Variants in EBF2 observed in about 807,000 individuals in gnomAD.
EBF2 encodes the protein EBF transcription factor 2.
Under a neutral mutation model 72.8 loss-of-function variants are expected in EBF2, and 21 were observed. The observed-to-expected ratio is 0.29, with a 90% CI of 0.20 to 0.42. The LOEUF is 0.42. Ranked by LOEUF, EBF2 falls within the 10% of genes least tolerant of loss-of-function variation. The probability of loss-of-function intolerance (pLI) is 1.00; values close to 1 mark genes in which losing one functional copy is unlikely to be tolerated. For missense variants in EBF2, 637 were observed against 731.2 expected (o/e 0.87, Z 1.49); for synonymous variants, 299 against 274.2 (o/e 1.09, Z -0.89).
At chr8:26,000,195 T>C (rs1346367167) in intron 6 of EBF2, among the ~76,000 whole-genome samples, 9 of 152,202 alleles carry the variant, frequency 5.9e-5, no homozygotes, top group African/African-American at 9.6e-5. Flanking sequence ...CCCAGCCTTC[T>C]GTTTGGCTTT....
intron 10 of EBF2, among the ~76,000 whole-genome samples, chr8:25,881,790 C>T (rs1279223180): frequency 1.3e-5 from 2 of 152,154 alleles, no homozygotes; most frequent in Non-Finnish European, 2.9e-5. Context: ...CACACATCAG[C>T]GGAGGAACAC....
intron 6 of EBF2, among the ~76,000 whole-genome samples, chr8:25,914,402 C>G (rs1803177179): frequency 6.6e-6 from 1 of 152,212 alleles, no homozygotes; most frequent in Admixed American, 6.5e-5. Flanking sequence ...CAGTGGGACC[C>G]AGCCTTGGCC....
At chr8:25,874,434 A>G (rs1200401885) in intron 10 of EBF2, among the ~76,000 whole-genome samples, 1 of 152,032 alleles carries the variant, frequency 6.6e-6, no homozygotes, top group African/African-American at 2.4e-5. Flanking sequence ...TTTTTTTGCC[A>G]AAGTAGAAGA....
intron 6 of EBF2, among the ~76,000 whole-genome samples, chr8:25,965,628 G>A (rs1804102813): frequency 1.3e-5 from 2 of 152,172 alleles, no homozygotes; most frequent in African/African-American, 2.4e-5. Flanking sequence ...GACTGACTGT[G>A]GGTAGTCTGA....
rs1425326262 is a variant in EBF2, at chr8:25,874,770, C to G, written c.1010-11973G>C. On this transcript the variant is annotated intron_variant, in intron 10 of 15. Coordinates refer to ENST00000520164, the MANE Select transcript of EBF2 (RefSeq NM_022659.4). ...GTGCAATCATAGCTCACTGCAGCCT[C>G]GATCTCCTGGGCTCAAGCGTTTCTC... is the stretch of plus-strand genomic sequence containing the variant. Among the ~76,000 whole-genome samples the G allele has an allele frequency of 2.6e-5, 4 of 151,928 alleles. No individual in the cohort carries two copies. The South Asian group carries it at 8.3e-4, about 32-fold the overall frequency.
rs1805678240 is a variant in EBF2, at chr8:26,044,942, C to A, written c.-83G>T. 6.8e-7 allele frequency: 1 copy of A among 1,480,834 alleles called. No homozygotes were observed. 91.7% of individuals were successfully genotyped at this position (1,480,834 alleles called of 1,614,324 possible). Reference sequence around the variant, plus strand: ...ACTGTTCCCAACGTTGCCAGCAAATCGTCTCCTCCAAAGCAATCCAAGAAA... The same window carrying A: ...ACTGTTCCCAACGTTGCCAGCAAATAGTCTCCTCCAAAGCAATCCAAGAAA... On this transcript the variant is annotated 5_prime_UTR_variant, in exon 1 of 16. Coordinates refer to ENST00000520164, the MANE Select transcript of EBF2 (RefSeq NM_022659.4). The surrounding 1 kb of genome is among the most constrained non-coding windows in gnomAD (Gnocchi z 4.1).
chr8:26,018,380 C>T (rs572737666), intron 6 of EBF2, among the ~76,000 whole-genome samples: 13 of 150,204 alleles, frequency 8.7e-5, no homozygotes, highest in Non-Finnish European at 1.6e-4. Context: ...CGGCCGGACG[C>T]GGTGGCTCAT....
In EBF2 at chr8:25,842,186, T is replaced by C. The variant is rs923643229; in HGVS notation, c.*2423A>G. The C allele has an allele frequency of 6.6e-6, 1 of 152,220 alleles. No homozygotes were observed. The highest frequency in any genetic ancestry group is 6.5e-5 in the Admixed American group (1 of 15,276). The allele number at this position is 152,220 out of a possible 1,614,324, so 9.4% of individuals were successfully genotyped here. ...GCACAAAAATAACTTGGGACTGGAATGATTGAATAGCAATGACTAACGAGG... is the reference window on the plus strand; with the variant it reads ...GCACAAAAATAACTTGGGACTGGAACGATTGAATAGCAATGACTAACGAGG... On this transcript the variant is annotated 3_prime_UTR_variant, in exon 16 of 16. Transcript: ENST00000520164.
intron 6 of EBF2, among the ~76,000 whole-genome samples, chr8:26,024,440 T>G (rs1487164377): frequency 6.6e-6 from 1 of 152,178 alleles, no homozygotes; most frequent in Non-Finnish European, 1.5e-5. Context: ...AAGACCCCAC[T>G]GCAAGGTCCA....
In EBF2 at chr8:25,858,423, G is replaced by C. The variant is rs200719232; in HGVS notation, c.1424C>G (p.Ser475Cys). 1 of 1,614,140 alleles carries C rather than the reference G, an allele frequency of 6.2e-7. No homozygotes were observed. Among genetic ancestry groups the C allele is most frequent in the African/African-American group, 1.3e-5 (1 of 75,036 alleles). The part of the protein sequence containing the change: ...STPQQSNYST[S>C]SNSMNGYSNV... ...GCTGTAGCCATTCATACTGTTGCTG[G>C]AGGTACTGTAATTAGACTGTTGAGG... is the stretch of plus-strand genomic sequence containing the variant. Residue 475 changes from serine to cysteine, a missense_variant, in exon 14 of 16, where the codon TCC (serine) becomes TGC (cysteine). By Grantham distance (112) the Ser-to-Cys change is moderately radical. Coordinates refer to ENST00000520164, the MANE Select transcript of EBF2 (RefSeq NM_022659.4).
At chr8:25,884,012 T>C (rs965215299) in intron 10 of EBF2, among the ~76,000 whole-genome samples, 4 of 152,154 alleles carry the variant, frequency 2.6e-5, no homozygotes, top group Non-Finnish European at 4.4e-5. Context: ...CTCCACCATA[T>C]CATGGTGATC....
At chr8:25,984,122 T>C (rs1206881860) in intron 6 of EBF2, among the ~76,000 whole-genome samples, 1 of 152,166 alleles carries the variant, frequency 6.6e-6, no homozygotes, top group Admixed American at 6.5e-5. Context: ...TACTTGTGTG[T>C]AAACTAGAAT....
intron 6 of EBF2, among the ~76,000 whole-genome samples, chr8:25,979,825 G>A (rs542204437): frequency 1.2e-4 from 18 of 152,104 alleles, no homozygotes; most frequent in Admixed American, 9.2e-4. Context: ...CAGATAAAGG[G>A]CATGAAAGGC....
intron 6 of EBF2, among the ~76,000 whole-genome samples, chr8:25,923,399 AC>A (rs1232282425): frequency 1.3e-5 from 2 of 152,122 alleles, no homozygotes; most frequent in African/African-American, 2.4e-5. Context: ...TTAAGACAGA[AC>A]CTGAAAAATC....
intron 6 of EBF2, among the ~76,000 whole-genome samples, chr8:26,017,855 G>A (rs962292503): frequency 2.0e-5 from 3 of 152,120 alleles, no homozygotes; most frequent in Non-Finnish European, 4.4e-5. Context: ...GCCACCTCTC[G>A]ACAAAAACGC....
intron 6 of EBF2, among the ~76,000 whole-genome samples, chr8:25,948,476 C>T (rs1044946804): frequency 6.6e-6 from 1 of 152,184 alleles, no homozygotes; most frequent in African/African-American, 2.4e-5. Flanking sequence ...CAGAGTCCCA[C>T]TCTAATTATA....
At chr8:25,845,406 G>A (rs1401556898) in intron 15 of EBF2, among the ~76,000 whole-genome samples, 1 of 152,068 alleles carries the variant, frequency 6.6e-6, no homozygotes, top group African/African-American at 2.4e-5. Context: ...GTGAATTTTT[G>A]TATTGAATGG....
In EBF2 at chr8:26,010,566, G is replaced by T. The variant is rs185490621; in HGVS notation, c.551+22519C>A. Reference sequence around the variant, plus strand: ...CCCGGCAGAAAATACCCAGCGACGCGCAGCTGAGCACCGAGAGGAGCACAA... The same window carrying T: ...CCCGGCAGAAAATACCCAGCGACGCTCAGCTGAGCACCGAGAGGAGCACAA... On this transcript the variant is annotated intron_variant, in intron 6 of 15. Coordinates refer to ENST00000520164, the MANE Select transcript of EBF2 (RefSeq NM_022659.4). Among the ~76,000 whole-genome samples the T allele has an allele frequency of 7.9e-4, 120 of 152,260 alleles. 1 individual carries two copies. Among genetic ancestry groups the T allele is most frequent in the African/African-American group, 2.7e-3 (111 of 41,548 alleles).
intron 6 of EBF2, among the ~76,000 whole-genome samples, chr8:25,954,216 G>A (rs1168366874): frequency 1.3e-5 from 2 of 152,178 alleles, no homozygotes; most frequent in Non-Finnish European, 2.9e-5. Context: ...TAGTTCAGGC[G>A]GAGTAAGAGT....
Sources: allele counts gnomAD v4.1 joint callset (sites outside exome capture counted in the v4.1 genomes callset), GRCh38; gene constraint gnomAD v4.1.1; non-coding constraint Gnocchi (gnomAD v3.1); transcripts MANE v1.5; gene names NCBI Gene and HGNC (gene_info 2026-07-23, HGNC 2026-07-21).